The following MAD1L1 variants were observed in gnomAD, a reference collection of about 807,000 sequenced individuals.
The protein encoded by MAD1L1 is mitotic spindle assembly checkpoint protein MAD1.
Under a neutral mutation model 96.9 loss-of-function variants are expected in MAD1L1, and 95 were observed. That is an observed-to-expected ratio of 0.98 (90% CI 0.83 to 1.16). MAD1L1 has a LOEUF of 1.16. MAD1L1 is among the 50% of genes most tolerant of loss of function. The probability of loss-of-function intolerance (pLI) is 0.00; values close to 1 mark genes in which losing one functional copy is unlikely to be tolerated. For synonymous variants in MAD1L1, 473 were observed against 396.6 expected (o/e 1.19, Z -2.29); for missense variants, 1,007 against 954.4 (o/e 1.06, Z -0.73).
chr7:2,210,632 G>A (rs1018620003), intron 10 of MAD1L1, among the ~76,000 whole-genome samples: 41 of 152,266 alleles, frequency 2.7e-4, no homozygotes, highest in East Asian at 7.7e-4. Context: ...TGAGTCACCC[G>A]AGATCACGGC....
chr7:1,944,405 G>T (rs1779136138), intron 16 of MAD1L1, among the ~76,000 whole-genome samples: 1 of 152,182 alleles, frequency 6.6e-6, no homozygotes, highest in African/African-American at 2.4e-5. Flanking sequence ...TGGCGGGCCG[G>T]GTGGGGAGTG....
chr7:1,893,747 G>A (rs1369761424), intron 18 of MAD1L1, among the ~76,000 whole-genome samples: 3 of 152,212 alleles, frequency 2.0e-5, no homozygotes, highest in Non-Finnish European at 4.4e-5. Context: ...ATGACAGATG[G>A]GGAAACTGAG....
At chr7:1,899,590 G>C (rs2128442847) in intron 17 of MAD1L1, among the ~76,000 whole-genome samples, 1 of 152,330 alleles carries the variant, frequency 6.6e-6, no homozygotes, top group East Asian at 1.9e-4. Flanking sequence ...GAGAGAACAA[G>C]GGTTCCAACT....
intron 17 of MAD1L1, among the ~76,000 whole-genome samples, chr7:1,902,472 G>A (rs544320858): frequency 3.9e-5 from 6 of 152,248 alleles, no homozygotes; most frequent in East Asian, 1.9e-4. Flanking sequence ...AGGAAAACGC[G>A]GTACTTTTCT....
At chr7:2,121,458 G>A (rs1391220718) in intron 11 of MAD1L1, among the ~76,000 whole-genome samples, 1 of 152,230 alleles carries the variant, frequency 6.6e-6, no homozygotes, top group African/African-American at 2.4e-5. Context: ...CGGGAGGGTC[G>A]TTAACAGAGT....
At chr7:1,959,234 G>A (rs1260767398) in intron 15 of MAD1L1, among the ~76,000 whole-genome samples, 2 of 152,114 alleles carry the variant, frequency 1.3e-5, no homozygotes, top group African/African-American at 2.4e-5. Flanking sequence ...CACTGACAGA[G>A]CGAGGCCCTG....
rs1430636228 is a variant in MAD1L1 at position 1,936,700 on chromosome 7, G to C, written c.1794C>G (p.Ser598=). Residue 598 remains serine, a synonymous_variant, in exon 17 of 19, where the codon TCC becomes TCG. Transcript: ENST00000265854. ...LEAAAASLPS[S]KEVAELKKQV... ...GGGGGTGCCTACCTGCCACCTCCTT[G>C]GACGATGGCAGACTCGCGGCGGCAG... The C allele has an allele frequency of 6.4e-7, 1 of 1,554,258 alleles. No homozygotes were observed. Among genetic ancestry groups the C allele is most frequent in the South Asian group, 1.2e-5 (1 of 84,420 alleles).
At chr7:2,115,392 G>A (rs1273119039) in intron 11 of MAD1L1, among the ~76,000 whole-genome samples, 2 of 145,822 alleles carry the variant, frequency 1.4e-5, no homozygotes, top group Admixed American at 6.9e-5. Flanking sequence ...CAGAGGAGGC[G>A]GTGGACAGGG....
At chr7:2,002,861 C>A (rs1584045345) in intron 13 of MAD1L1, among the ~76,000 whole-genome samples, 1 of 152,204 alleles carries the variant, frequency 6.6e-6, no homozygotes, top group South Asian at 2.1e-4. Flanking sequence ...CCTCGGAGAC[C>A]CCCGCCCTGG....
intron 10 of MAD1L1, among the ~76,000 whole-genome samples, chr7:2,190,822 C>T (rs895789122): frequency 6.6e-6 from 1 of 152,032 alleles, no homozygotes; most frequent in African/African-American, 2.4e-5. Flanking sequence ...GCGGGGCCAG[C>T]GGAATTCAAT....
chr7:1,881,173 C>G lies in MAD1L1; in HGVS notation c.1998+17027G>C, dbSNP rs1785658461. ...GAATTACACGAGATGAGCCAAGTCT[C>G]ATTCCCGGAAGTCTTACATGGCTGA... On this transcript the variant is annotated intron_variant, in intron 18 of 18. Transcript: ENST00000265854. Among the ~76,000 whole-genome samples, 4 of 152,332 alleles carry G rather than the reference C, an allele frequency of 2.6e-5. 1 individual carries two copies. The South Asian group carries it at 8.3e-4, about 32-fold the overall frequency.
chr7:2,075,572 G>A (rs1288293498), intron 11 of MAD1L1, among the ~76,000 whole-genome samples: 2 of 152,006 alleles, frequency 1.3e-5, no homozygotes. Context: ...GTTCCTCAAG[G>A]AGAAGCCAGG....
intron 17 of MAD1L1, among the ~76,000 whole-genome samples, chr7:1,910,206 C>G (rs772357196): frequency 1.3e-5 from 2 of 152,106 alleles, no homozygotes; most frequent in Non-Finnish European, 1.5e-5. Flanking sequence ...GGCTCCACAG[C>G]CCCCATGGGG....
chr7:2,157,091 C>T (rs1448899431), intron 10 of MAD1L1, among the ~76,000 whole-genome samples: 2 of 152,162 alleles, frequency 1.3e-5, no homozygotes, highest in Admixed American at 1.3e-4. Context: ...TCTGGAAACT[C>T]GAACACCTGA....
At chr7:2,218,816 C>A (rs1179798515) in intron 6 of MAD1L1, among the ~76,000 whole-genome samples, 4 of 152,022 alleles carry the variant, frequency 2.6e-5, no homozygotes, top group Non-Finnish European at 5.9e-5. Flanking sequence ...AGGAGAATCA[C>A]TGAACCCAGG....
intron 10 of MAD1L1, chr7:2,175,347 A>G (rs1263197500): frequency 2.0e-5 from 3 of 152,174 alleles, no homozygotes; most frequent in African/African-American, 7.2e-5. Flanking sequence ...GCACAGATCA[A>G]GCTAGCTCTC....
intron 12 of MAD1L1, among the ~76,000 whole-genome samples, chr7:2,049,630 C>A (rs564621111): frequency 6.6e-6 from 1 of 152,352 alleles, no homozygotes; most frequent in East Asian, 1.9e-4. Context: ...CAGCAGCATC[C>A]CCATGTCTTG....
At chr7:1,977,378 C>A (rs926428064) in intron 15 of MAD1L1, among the ~76,000 whole-genome samples, 2 of 152,238 alleles carry the variant, frequency 1.3e-5, no homozygotes, top group African/African-American at 4.8e-5. Flanking sequence ...CCTCACTGCC[C>A]GGGGCCGGCA....
chr7:2,082,827 C>G (rs1045306413), intron 11 of MAD1L1, among the ~76,000 whole-genome samples: 1 of 152,236 alleles, frequency 6.6e-6, no homozygotes, highest in African/African-American at 2.4e-5. Flanking sequence ...CACGCCTGTG[C>G]GCCGCACGAC....
Sources: gnomAD v4.1 joint callset for allele counts (sites outside exome capture counted in the v4.1 genomes callset) on GRCh38, gnomAD v4.1.1 for gene constraint, MANE v1.5 for transcripts, NCBI Gene and HGNC (gene_info 2026-07-23, HGNC 2026-07-21) for gene names.